Variants in NRXN3 observed in about 807,000 individuals in gnomAD.
The protein encoded by NRXN3 is neurexin 3.
NRXN3 carries 32 observed loss-of-function variants against 137.6 expected under a neutral mutation model. The ratio of observed to expected loss-of-function variants is 0.23; its 90% CI spans 0.18 to 0.31. The LOEUF (loss-of-function observed/expected upper bound fraction) is 0.31. Ranked by LOEUF, NRXN3 falls within the 10% of genes least tolerant of loss-of-function variation. The probability of loss-of-function intolerance (pLI) is 1.00; values close to 1 mark genes in which losing one functional copy is unlikely to be tolerated. For synonymous variants in NRXN3, 798 were observed against 784.5 expected, an observed-to-expected ratio of 1.02 and a Z score of -0.29; for missense variants, 1,574 against 2,062.5, an observed-to-expected ratio of 0.76 and a Z score of 4.59.
intron 16 of NRXN3, among the ~76,000 whole-genome samples, chr14:79,632,106 C>T (rs1418707183): frequency 6.6e-6 from 1 of 152,164 alleles, no homozygotes; most frequent in South Asian, 2.1e-4. Context: ...GCTACTCACT[C>T]TTAGGGTCTG....
At chr14:78,531,066 C>T (rs997441656) in intron 4 of NRXN3, among the ~76,000 whole-genome samples, 5 of 152,118 alleles carry the variant, frequency 3.3e-5, no homozygotes, top group Non-Finnish European at 7.4e-5. Flanking sequence ...TTTCTTGAAG[C>T]ACCTTTACTT....
intron 15 of NRXN3, among the ~76,000 whole-genome samples, chr14:78,990,517 G>T (rs556228475): frequency 1.6e-3 from 239 of 151,964 alleles, no homozygotes; most frequent in African/African-American, 5.7e-3. Context: ...GATTACAGGT[G>T]CCTGCCACTA....
intron 8 of NRXN3, among the ~76,000 whole-genome samples, chr14:78,760,646 C>A (rs2098689345): frequency 6.6e-6 from 1 of 151,798 alleles, no homozygotes; most frequent in South Asian, 2.1e-4. Context: ...GTTTAGCTCT[C>A]ATTATCAGAA....
intron 19 of NRXN3, among the ~76,000 whole-genome samples, chr14:79,804,566 G>A (rs568104289): frequency 6.6e-6 from 1 of 152,218 alleles, no homozygotes; most frequent in South Asian, 2.1e-4. Context: ...ATTACATGAA[G>A]GAATTCTTGC....
intron 15 of NRXN3, among the ~76,000 whole-genome samples, chr14:79,354,780 A>C (rs1258967724): frequency 6.6e-6 from 1 of 152,176 alleles, no homozygotes; most frequent in African/African-American, 2.4e-5. Context: ...AAATGCCCTC[A>C]CTTATTGGTT....
At chr14:79,628,776 A>G (rs2098311034) in intron 16 of NRXN3, among the ~76,000 whole-genome samples, 1 of 152,192 alleles carries the variant, frequency 6.6e-6, no homozygotes, top group Non-Finnish European at 1.5e-5. Flanking sequence ...CCAGGAAAAG[A>G]GCCAGTTGAC....
At chr14:78,741,256 C>T (rs936922773) in intron 8 of NRXN3, among the ~76,000 whole-genome samples, 2 of 152,170 alleles carry the variant, frequency 1.3e-5, no homozygotes, top group African/African-American at 2.4e-5. Context: ...AGCATTCCTC[C>T]TCTTCCCTCC....
intron 10 of NRXN3, among the ~76,000 whole-genome samples, chr14:78,927,124 C>G (rs140124749): frequency 0.018 from 2,308 of 125,890 alleles, 35 homozygotes; most frequent in Non-Finnish European, 0.026. Flanking sequence ...CACTGCACTC[C>G]GGCCTAAGTG....
chr14:78,958,730 C>T (rs1170381464), intron 11 of NRXN3, among the ~76,000 whole-genome samples: 1 of 152,140 alleles, frequency 6.6e-6, no homozygotes, highest in Non-Finnish European at 1.5e-5. Context: ...GAATTCTTAT[C>T]CATATGGGAA....
chr14:78,443,863 C>T (rs112242409), intron 4 of NRXN3, among the ~76,000 whole-genome samples: 1,645 of 152,320 alleles, frequency 0.011, 13 homozygotes, highest in Middle Eastern at 0.031. Context: ...AATTATGCTT[C>T]TATTGTAACC....
chr14:79,761,684 CAAAAAAAAAAA>C (rs10599873), intron 19 of NRXN3, among the ~76,000 whole-genome samples: 1 of 78,906 alleles, frequency 1.3e-5, no homozygotes, highest in Non-Finnish European at 2.4e-5. Context: ...GACTCTGTCT[CAAAAAAAAAAA>C]AAAAAAAAAA....
intron 16 of NRXN3, among the ~76,000 whole-genome samples, chr14:79,559,045 A>G (rs879499428): frequency 1.3e-5 from 2 of 152,144 alleles, no homozygotes; most frequent in Non-Finnish European, 2.9e-5. Flanking sequence ...GAAGAGAGCT[A>G]GGGCCTTGTT....
chr14:78,813,091 T>C (rs1596115921), intron 10 of NRXN3, among the ~76,000 whole-genome samples: 2 of 152,166 alleles, frequency 1.3e-5, no homozygotes, highest in Non-Finnish European at 2.9e-5. Context: ...TGAAACCAAG[T>C]TGATATATTA....
chr14:78,805,511 C>T (rs953702155), intron 9 of NRXN3, among the ~76,000 whole-genome samples: 1 of 151,618 alleles, frequency 6.6e-6, no homozygotes, highest in East Asian at 1.9e-4. Context: ...TCCATCCCTG[C>T]ACCATCCTAC....
At chr14:78,340,137 A>G (rs2081989654) in intron 4 of NRXN3, among the ~76,000 whole-genome samples, 1 of 152,192 alleles carries the variant, frequency 6.6e-6, no homozygotes, top group South Asian at 2.1e-4. Flanking sequence ...GTTCATCAAA[A>G]GCATAGTTTG....
At chr14:79,006,482 G>C (rs944879011) in intron 15 of NRXN3, among the ~76,000 whole-genome samples, 10 of 152,070 alleles carry the variant, frequency 6.6e-5, no homozygotes, top group African/African-American at 2.4e-4. Context: ...AAGTATAGTA[G>C]TCAAAGAACT....
chr14:79,537,296 T>C (rs972885189), intron 16 of NRXN3, among the ~76,000 whole-genome samples: 1 of 152,134 alleles, frequency 6.6e-6, no homozygotes, highest in African/African-American at 2.4e-5. Flanking sequence ...TTGCCCACTT[T>C]TTTTTTTATT....
intron 8 of NRXN3, among the ~76,000 whole-genome samples, chr14:78,743,525 TCATTGCTTGCCTGA>T (rs1168969773): frequency 2.0e-5 from 3 of 152,198 alleles, no homozygotes; most frequent in Non-Finnish European, 4.4e-5. Flanking sequence ...CACACATAGC[TCATTGCTTGCCTGA>T]CATTTCTAAC....
intron 15 of NRXN3, among the ~76,000 whole-genome samples, chr14:79,318,340 G>A (rs1176196828): frequency 6.6e-6 from 1 of 152,250 alleles, no homozygotes; most frequent in African/African-American, 2.4e-5. Flanking sequence ...ATGTGAAGAA[G>A]CAATTAGGGA....
Sources: gnomAD v4.1 joint callset for allele counts (sites outside exome capture counted in the v4.1 genomes callset) on GRCh38, gnomAD v4.1.1 for gene constraint, MANE v1.5 for transcripts, NCBI Gene and HGNC (gene_info 2026-07-23, HGNC 2026-07-21) for gene names.